MACROD2: variants seen among roughly 807,000 people sequenced by gnomAD.
The protein encoded by MACROD2 is ADP-ribose glycohydrolase MACROD2.
In MACROD2, 36 loss-of-function variants were observed where a neutral mutation model predicts 70.4. The ratio of observed to expected loss-of-function variants is 0.51; its 90% CI spans 0.39 to 0.68. The LOEUF (loss-of-function observed/expected upper bound fraction) is 0.68, where lower values mean the gene tolerates loss of function less well. Among genes scored for constraint, MACROD2 ranks in the 30% least tolerant of loss-of-function variants. The probability of loss-of-function intolerance (pLI) is 0.00; values close to 1 mark genes in which losing one functional copy is unlikely to be tolerated. For synonymous variants in MACROD2, 172 were observed against 178.8 expected, an observed-to-expected ratio of 0.96 and a Z score of 0.30; for missense variants, 496 against 538.4, an observed-to-expected ratio of 0.92 and a Z score of 0.78.
chr20:15,452,259 G>A (rs552827795), intron 7 of MACROD2, among the ~76,000 whole-genome samples: 9 of 152,096 alleles, frequency 5.9e-5, no homozygotes, highest in Non-Finnish European at 1.2e-4. Flanking sequence ...AAGAGAGTCT[G>A]AGGCCCTCAC....
chr20:15,914,254 C>G (rs1360803157), intron 10 of MACROD2, among the ~76,000 whole-genome samples: 1 of 152,214 alleles, frequency 6.6e-6, no homozygotes, highest in East Asian at 1.9e-4. Context: ...ACAGCTCTAT[C>G]TATCGCAGAG....
intron 5 of MACROD2, among the ~76,000 whole-genome samples, chr20:14,862,514 T>A (rs1286179185): frequency 6.3e-5 from 2 of 31,584 alleles, no homozygotes; most frequent in Non-Finnish European, 1.1e-4. Flanking sequence ...TATAAATATA[T>A]ATATAAATAT....
intron 8 of MACROD2, among the ~76,000 whole-genome samples, chr20:15,758,409 T>A (rs1052567922): frequency 1.5e-4 from 22 of 147,396 alleles, no homozygotes; most frequent in African/African-American, 5.4e-4. Flanking sequence ...CAGCTAATTT[T>A]TGTTTTTTTT....
intron 5 of MACROD2, chr20:14,893,379 T>C: frequency 6.6e-6 from 1 of 152,104 alleles, no homozygotes; most frequent in East Asian, 1.9e-4. Flanking sequence ...TTTAATACTG[T>C]TTTTGATAGT....
At chr20:14,630,785 TA>T (rs1437065061) in intron 4 of MACROD2, among the ~76,000 whole-genome samples, 1 of 152,222 alleles carries the variant, frequency 6.6e-6, no homozygotes, top group Admixed American at 6.5e-5. Context: ...CCTTATTATT[TA>T]ATCCCTTTTG....
At chr20:16,041,765 C>T (rs2067311328) in intron 16 of MACROD2, among the ~76,000 whole-genome samples, 1 of 151,910 alleles carries the variant, frequency 6.6e-6, no homozygotes, top group African/African-American at 2.4e-5. Context: ...TCTTTAAAAG[C>T]ACCTTAAAAA....
intron 3 of MACROD2, among the ~76,000 whole-genome samples, chr20:14,091,041 T>A (rs1169409253): frequency 6.6e-6 from 1 of 152,230 alleles, no homozygotes; most frequent in African/African-American, 2.4e-5. Flanking sequence ...CATTTGTGTG[T>A]CTTCTTCTGA....
chr20:14,651,839 G>T lies in MACROD2; in HGVS notation c.302-33004G>T, dbSNP rs529427407. Reference sequence around the variant, plus strand: ...CTCATCAAATCCCATTCCCACTGCGGATTTCTGTGTTGGTGCTACCTGGGG... The same window carrying T: ...CTCATCAAATCCCATTCCCACTGCGTATTTCTGTGTTGGTGCTACCTGGGG... On this transcript the variant is annotated intron_variant, in intron 4 of 17. Coordinates refer to ENST00000684519, the MANE Select transcript of MACROD2 (RefSeq NM_001351661.2). 1.5e-3 allele frequency among the ~76,000 whole-genome samples: 230 copies of T among 152,300 alleles called. 1 individual carries two copies. Among genetic ancestry groups the T allele is most frequent in the Non-Finnish European group, 2.9e-3 (194 of 68,036 alleles).
intron 5 of MACROD2, among the ~76,000 whole-genome samples, chr20:14,695,865 G>C (rs1277293502): frequency 6.6e-6 from 1 of 152,226 alleles, no homozygotes; most frequent in Non-Finnish European, 1.5e-5. Context: ...TGCAGAAACT[G>C]TGAGATAATA....
chr20:15,184,379 T>C (rs2076520887), intron 5 of MACROD2, among the ~76,000 whole-genome samples: 1 of 152,034 alleles, frequency 6.6e-6, no homozygotes, highest in Non-Finnish European at 1.5e-5. Flanking sequence ...ATCAATATTT[T>C]ACCCACATGT....
In MACROD2 at chr20:13,995,537, G is replaced by C. The variant is rs2052623083; in HGVS notation, c.-227G>C. ...AGTTGACAGGCTCTGAGGTGCTGCT[G>C]TGGCGGCGTCCGCGGGGCTGAGGCG... On this transcript the variant is annotated 5_prime_UTR_variant, in exon 1 of 18. Transcript: ENST00000684519. The surrounding 1 kb of genome is among the most constrained non-coding windows in gnomAD (Gnocchi z 4.3). 2 of 628,944 alleles carry C rather than the reference G, an allele frequency of 3.2e-6. No individual in the cohort carries two copies. 39.0% of individuals were successfully genotyped at this position (628,944 alleles called of 1,614,324 possible). A position where few individuals can be genotyped will look rare whatever the true frequency, so the allele number is the denominator to read the frequency against.
rs1021230924 is a variant in MACROD2, at chr20:13,995,561, C to G, written c.-203C>G. The G allele has an allele frequency of 1.5e-6, 1 of 652,774 alleles. No homozygotes were observed. Among genetic ancestry groups the G allele is most frequent in the African/African-American group, 1.8e-5 (1 of 55,756 alleles). The allele number at this position is 652,774 out of a possible 1,614,324, so 40.4% of individuals were successfully genotyped here. ...TGTGGCGGCGTCCGCGGGGCTGAGGCGGGTGGGAGCCGGAGCCGAGCGCGG... is the reference window on the plus strand; with the variant it reads ...TGTGGCGGCGTCCGCGGGGCTGAGGGGGGTGGGAGCCGGAGCCGAGCGCGG... On this transcript the variant is annotated 5_prime_UTR_variant, in exon 1 of 18. Transcript: ENST00000684519. The surrounding 1 kb of genome is among the most constrained non-coding windows in gnomAD (Gnocchi z 4.3).
At chr20:14,213,849 T>C (rs1472438454) in intron 3 of MACROD2, among the ~76,000 whole-genome samples, 1 of 152,136 alleles carries the variant, frequency 6.6e-6, no homozygotes, top group Non-Finnish European at 1.5e-5. Context: ...ATCATTCTTC[T>C]CCTCAAATTA....
At chr20:15,479,623 T>G (rs1474382728) in intron 7 of MACROD2, among the ~76,000 whole-genome samples, 1 of 152,206 alleles carries the variant, frequency 6.6e-6, no homozygotes, top group African/African-American at 2.4e-5. Context: ...AGCAGTTAGC[T>G]TCAGCAAGTG....
chr20:15,791,585 G>A (rs1304499151), intron 8 of MACROD2, among the ~76,000 whole-genome samples: 1 of 151,862 alleles, frequency 6.6e-6, no homozygotes, highest in African/African-American at 2.4e-5. Flanking sequence ...TATCACAAAA[G>A]ATAAACACAC....
intron 15 of MACROD2, among the ~76,000 whole-genome samples, chr20:15,994,699 G>A (rs1179838794): frequency 6.6e-6 from 1 of 152,102 alleles, no homozygotes; most frequent in Non-Finnish European, 1.5e-5. Flanking sequence ...CATATAGAGA[G>A]TTAGCCTATT....
At chr20:14,839,291 A>T (rs1046326481) in intron 5 of MACROD2, among the ~76,000 whole-genome samples, 4 of 152,110 alleles carry the variant, frequency 2.6e-5, no homozygotes, top group African/African-American at 9.7e-5. Context: ...AACTCCTTTT[A>T]GCTTCTTAAT....
intron 5 of MACROD2, among the ~76,000 whole-genome samples, chr20:14,956,023 G>A (rs930004762): frequency 1.2e-4 from 17 of 143,836 alleles, no homozygotes; most frequent in African/African-American, 4.3e-4. Context: ...GCTTTTAGCT[G>A]TTTTTTTTTT....
At chr20:15,962,774 A>G (rs938903234) in intron 12 of MACROD2, among the ~76,000 whole-genome samples, 2 of 152,116 alleles carry the variant, frequency 1.3e-5, no homozygotes, top group African/African-American at 4.8e-5. Context: ...AATGAAGACA[A>G]ATGACCAACT....
Sources: allele counts gnomAD v4.1 joint callset (sites outside exome capture counted in the v4.1 genomes callset), GRCh38; gene constraint gnomAD v4.1.1; non-coding constraint Gnocchi (gnomAD v3.1); transcripts MANE v1.5; gene names NCBI Gene and HGNC (gene_info 2026-07-23, HGNC 2026-07-21).